VSTM2L: variants seen among roughly 807,000 people sequenced by gnomAD.
VSTM2L encodes the protein V-set and transmembrane domain-containing protein 2-like protein.
In VSTM2L, 9 loss-of-function variants were observed where a neutral mutation model predicts 19.9. The observed-to-expected ratio is 0.45, with a 90% confidence interval of 0.27 to 0.79. The LOEUF is 0.79. Among genes scored for constraint, VSTM2L ranks in the 30% least tolerant of loss-of-function variants. The pLI is 0.15. For missense variants in VSTM2L, 286 were observed against 295.5 expected, an observed-to-expected ratio of 0.97 and a Z score of 0.24; for synonymous variants, 127 against 133.8, an observed-to-expected ratio of 0.95 and a Z score of 0.35.
At chr20:37,924,264 T>C (rs1035951556) in intron 1 of VSTM2L, among the ~76,000 whole-genome samples, 2 of 145,624 alleles carry the variant, frequency 1.4e-5, no homozygotes, top group African/African-American at 5.1e-5. Context: ...AAAAAATAAA[T>C]AAACATGGCC....
At chr20:37,918,815 C>G (rs1456228518) in intron 1 of VSTM2L, among the ~76,000 whole-genome samples, 4 of 152,118 alleles carry the variant, frequency 2.6e-5, no homozygotes, top group Non-Finnish European at 5.9e-5. Context: ...TCCTGGTAAC[C>G]TCCCCTGACT....
At chr20:37,904,403 A>G (rs1473585057) in intron 1 of VSTM2L, among the ~76,000 whole-genome samples, 3 of 152,246 alleles carry the variant, frequency 2.0e-5, no homozygotes, top group Non-Finnish European at 4.4e-5. Flanking sequence ...GCCGGGGAGC[A>G]GACAAGCATT....
chr20:37,905,075 G>T (rs1171825801), intron 1 of VSTM2L, among the ~76,000 whole-genome samples: 1 of 152,148 alleles, frequency 6.6e-6, no homozygotes. Context: ...AGCCAGGACA[G>T]GCCCCAGGGT....
At chr20:37,914,435 G>A in intron 1 of VSTM2L, among the ~76,000 whole-genome samples, 1 of 148,644 alleles carries the variant, frequency 6.7e-6, no homozygotes, top group Non-Finnish European at 1.5e-5. Context: ...TGTGTATTGT[G>A]TGTATGTGTA....
intron 1 of VSTM2L, among the ~76,000 whole-genome samples, chr20:37,926,101 G>A (rs2072877790): frequency 1.3e-5 from 2 of 152,114 alleles, no homozygotes; most frequent in South Asian, 4.1e-4. Context: ...CGCTCTTGTT[G>A]CCCAGGCTGG....
intron 3 of VSTM2L, among the ~76,000 whole-genome samples, chr20:37,938,471 G>T (rs1396423870): frequency 2.0e-5 from 3 of 152,206 alleles, no homozygotes; most frequent in Admixed American, 2.0e-4. Flanking sequence ...ACCTCTGCCA[G>T]GAGGCCACGT....
intron 3 of VSTM2L, among the ~76,000 whole-genome samples, chr20:37,938,992 AG>A (rs1449583446): frequency 6.6e-6 from 1 of 152,118 alleles, no homozygotes; most frequent in African/African-American, 2.4e-5. Context: ...AGGCTCCCAG[AG>A]GGGTGGGTAA....
At chr20:37,936,326 A>T (rs1478941497) in intron 3 of VSTM2L, among the ~76,000 whole-genome samples, 4 of 152,170 alleles carry the variant, frequency 2.6e-5, no homozygotes, top group Non-Finnish European at 5.9e-5. Flanking sequence ...GCAGGGACCT[A>T]GGCCCCATAT....
chr20:37,929,828 C>T (rs1295703345), intron 1 of VSTM2L, among the ~76,000 whole-genome samples: 1 of 151,930 alleles, frequency 6.6e-6, no homozygotes, highest in Non-Finnish European at 1.5e-5. Flanking sequence ...CCCAGGGTGA[C>T]TAGTTTCTGG....
chr20:37,944,169 T>TCCCCCCCCC lies in VSTM2L; in HGVS notation c.534_535insCCCCCCCCC (p.Pro178_Ala179insProProPro). On this transcript the variant is annotated inframe_insertion, in exon 4 of 4. Coordinates refer to ENST00000373461, the MANE Select transcript of VSTM2L (RefSeq NM_080607.3). ...CCGTCCTGCATCTGCCCGAAGCCCC[T>TCCCCCCCCC]CCCGCCGCGCCCGCCCCGCCGCCCC... 3 of 1,542,604 alleles carry TCCCCCCCCC rather than the reference T, an allele frequency of 1.9e-6. No homozygotes were observed. The highest frequency in any genetic ancestry group is 1.9e-5 in the Admixed American group (1 of 51,750).
Position 37,903,537 on chromosome 20 carries a change from C to T in VSTM2L, c.121+66C>T, listed in dbSNP as rs1315886569. The T allele has an allele frequency of 3.1e-5, 42 of 1,351,510 alleles. No individual in the cohort carries two copies. In the East Asian group the frequency reaches 1.2e-3, roughly 39 times the overall value. The allele number at this position is 1,351,510 out of a possible 1,614,324, so 83.7% of individuals were successfully genotyped here. On this transcript the variant is annotated intron_variant, in intron 1 of 3. Transcript: ENST00000373461. ...CCCAACCCGGGCCGCGCCACTCCAA[C>T]TTGGCCGCCCCGGGGCTCGAACCGG... is the stretch of plus-strand genomic sequence containing the variant.
At chr20:37,913,323 G>C (rs1421857159) in intron 1 of VSTM2L, among the ~76,000 whole-genome samples, 1 of 152,182 alleles carries the variant, frequency 6.6e-6, no homozygotes. Context: ...TCTGGCCCCA[G>C]GCAGAAGTAG....
chr20:37,934,384 C>T (rs144379989), intron 3 of VSTM2L, among the ~76,000 whole-genome samples: 10 of 152,242 alleles, frequency 6.6e-5, no homozygotes, highest in African/African-American at 1.4e-4. Context: ...TGTGGCCATG[C>T]AACGAGGCAA....
At chr20:37,938,017 T>A (rs1568843288) in intron 3 of VSTM2L, among the ~76,000 whole-genome samples, 1 of 152,092 alleles carries the variant, frequency 6.6e-6, no homozygotes. Context: ...GTGGGGACCA[T>A]CAAAGAGTTT....
At chr20:37,908,692 A>T (rs1365544014) in intron 1 of VSTM2L, among the ~76,000 whole-genome samples, 1 of 152,084 alleles carries the variant, frequency 6.6e-6, no homozygotes, top group Non-Finnish European at 1.5e-5. Flanking sequence ...AGTCCCAGCT[A>T]CTCAGTAGGC....
intron 1 of VSTM2L, among the ~76,000 whole-genome samples, chr20:37,909,291 G>A (rs998595007): frequency 1.3e-5 from 2 of 152,204 alleles, no homozygotes; most frequent in Admixed American, 1.3e-4. Flanking sequence ...AGGTGCCCAC[G>A]TGAGAGTGTT....
intron 1 of VSTM2L, among the ~76,000 whole-genome samples, chr20:37,904,757 G>A (rs1483023936): frequency 6.6e-6 from 1 of 152,158 alleles, no homozygotes; most frequent in East Asian, 1.9e-4. Context: ...AATCAGGGAA[G>A]GTTTTGCTGG....
intron 1 of VSTM2L, 94 bp downstream of exon 1, chr20:37,903,565 C>A (rs561450384): frequency 1.5e-6 from 2 of 1,315,794 alleles, no homozygotes; most frequent in East Asian, 6.5e-5. Context: ...CGAACCGGCG[C>A]CAGTCGTGGC....
intron 3 of VSTM2L, among the ~76,000 whole-genome samples, chr20:37,942,145 C>T (rs949803088): frequency 5.3e-5 from 8 of 152,088 alleles, no homozygotes; most frequent in East Asian, 3.8e-4. Context: ...ATAAACAAAT[C>T]GTGCAGTATG....
Sources: gnomAD v4.1 joint callset for allele counts (sites outside exome capture counted in the v4.1 genomes callset) on GRCh38, gnomAD v4.1.1 for gene constraint, MANE v1.5 for transcripts, NCBI Gene and HGNC (gene_info 2026-07-23, HGNC 2026-07-21) for gene names.